The following NEGR1 variants were observed in gnomAD, a reference collection of about 807,000 sequenced individuals.
NEGR1 encodes IgLON family member 4.
Under a neutral mutation model 40.9 loss-of-function variants are expected in NEGR1, and 10 were observed. That is an observed-to-expected ratio of 0.24 (90% CI 0.15 to 0.42). The LOEUF (loss-of-function observed/expected upper bound fraction) is 0.42. Ranked by LOEUF, NEGR1 falls within the 10% of genes least tolerant of loss-of-function variation. The probability of loss-of-function intolerance (pLI) is 1.00; values close to 1 mark genes in which losing one functional copy is unlikely to be tolerated. For missense variants in NEGR1, 352 were observed against 438.9 expected (o/e 0.80, Z 1.77); for synonymous variants, 185 against 166.8 (o/e 1.11, Z -0.84).
At chr1:72,174,641 T>C (rs1395598812) in intron 1 of NEGR1, among the ~76,000 whole-genome samples, 1 of 152,164 alleles carries the variant, frequency 6.6e-6, no homozygotes, top group African/African-American at 2.4e-5. Context: ...TTAGCAAGCC[T>C]CATGTCTGGA....
intron 6 of NEGR1, among the ~76,000 whole-genome samples, chr1:71,519,878 G>GA (rs1171148093): frequency 9.9e-5 from 15 of 151,964 alleles, no homozygotes; most frequent in Admixed American, 7.2e-4. Context: ...GAGAAAATAT[G>GA]AAAAAATTAT....
intron 1 of NEGR1, among the ~76,000 whole-genome samples, chr1:72,268,952 A>G (rs1655750456): frequency 6.6e-6 from 1 of 151,516 alleles, no homozygotes; most frequent in Admixed American, 6.6e-5. Flanking sequence ...AGCTTTGGAT[A>G]TGTAAAGCAG....
At chr1:72,170,822 C>T (rs1334452413) in intron 1 of NEGR1, among the ~76,000 whole-genome samples, 1 of 152,100 alleles carries the variant, frequency 6.6e-6, no homozygotes, top group Non-Finnish European at 1.5e-5. Context: ...ATGTGCAGTC[C>T]TTTAAATTCC....
At chr1:72,174,517 A>G (rs1415470731) in intron 1 of NEGR1, among the ~76,000 whole-genome samples, 1 of 152,152 alleles carries the variant, frequency 6.6e-6, no homozygotes, top group Non-Finnish European at 1.5e-5. Flanking sequence ...AACTCTGAGT[A>G]AACATTGATC....
chr1:72,160,413 G>A (rs1048546087), intron 1 of NEGR1, among the ~76,000 whole-genome samples: 37 of 151,986 alleles, frequency 2.4e-4, no homozygotes, highest in Admixed American at 2.2e-3. Flanking sequence ...AATACAATAT[G>A]CAACTATTAG....
At chr1:72,216,248 C>T (rs1035915392) in intron 1 of NEGR1, among the ~76,000 whole-genome samples, 2 of 151,120 alleles carry the variant, frequency 1.3e-5, no homozygotes, top group East Asian at 3.9e-4. Flanking sequence ...GGACAAATAC[C>T]TAATGCATGT....
chr1:71,820,772 G>A (rs1228571797), intron 2 of NEGR1, among the ~76,000 whole-genome samples: 1 of 152,006 alleles, frequency 6.6e-6, no homozygotes, highest in African/African-American at 2.4e-5. Context: ...AACAAAGATA[G>A]CGAATCAAAA....
chr1:72,106,233 G>T (rs1054486155), intron 1 of NEGR1, among the ~76,000 whole-genome samples: 1 of 152,002 alleles, frequency 6.6e-6, no homozygotes, highest in Non-Finnish European at 1.5e-5. Flanking sequence ...CAAAAGGATT[G>T]GGAGCTTGGT....
At chr1:72,205,757 A>T (rs1295298972) in intron 1 of NEGR1, among the ~76,000 whole-genome samples, 1 of 57,176 alleles carries the variant, frequency 1.7e-5, no homozygotes, top group Non-Finnish European at 3.5e-5. Flanking sequence ...CCATTTCTAC[A>T]AAAAAAAAAA....
At chr1:72,221,887 A>G (rs984063305) in intron 1 of NEGR1, among the ~76,000 whole-genome samples, 27 of 152,174 alleles carry the variant, frequency 1.8e-4, no homozygotes, top group African/African-American at 4.6e-4. Context: ...TGGCACAACC[A>G]GCCTCAAGCT....
intron 3 of NEGR1, among the ~76,000 whole-genome samples, chr1:71,716,151 G>A (rs1351797555): frequency 6.6e-6 from 1 of 152,096 alleles, no homozygotes; most frequent in Non-Finnish European, 1.5e-5. Flanking sequence ...CAGGGGAAAT[G>A]CCAGATGTTT....
At chr1:71,550,544 C>A (rs1167431265) in intron 6 of NEGR1, among the ~76,000 whole-genome samples, 1 of 151,458 alleles carries the variant, frequency 6.6e-6, no homozygotes, top group South Asian at 2.1e-4. Flanking sequence ...AGATATAGAA[C>A]ATCCACACTC....
chr1:71,872,282 T>C (rs1393335562), intron 2 of NEGR1, among the ~76,000 whole-genome samples: 2 of 152,152 alleles, frequency 1.3e-5, no homozygotes, highest in Admixed American at 6.6e-5. Context: ...TTTTGACACA[T>C]TTTGCTGAAC....
chr1:72,231,668 A>G (rs1654369864), intron 1 of NEGR1, among the ~76,000 whole-genome samples: 1 of 152,172 alleles, frequency 6.6e-6, no homozygotes, highest in Non-Finnish European at 1.5e-5. Flanking sequence ...CCTTTATAAT[A>G]ATTTTGTTCA....
At chr1:71,700,974 C>T (rs1042257439) in intron 3 of NEGR1, among the ~76,000 whole-genome samples, 5 of 151,844 alleles carry the variant, frequency 3.3e-5, no homozygotes, top group Admixed American at 6.6e-5. Context: ...AGAGCATGAG[C>T]CAAGAAAAGC....
At chr1:71,449,992 A>ATT (rs71783919) in intron 6 of NEGR1, among the ~76,000 whole-genome samples, 5 of 139,222 alleles carry the variant, frequency 3.6e-5, no homozygotes, top group Admixed American at 7.2e-5. Flanking sequence ...TTTTATATAG[A>ATT]TTTTTTTTTT....
chr1:72,163,093 C>A (rs1430980320), intron 1 of NEGR1, among the ~76,000 whole-genome samples: 1 of 152,114 alleles, frequency 6.6e-6, no homozygotes, highest in Non-Finnish European at 1.5e-5. Context: ...GGCAGTTTTT[C>A]TTGGAAAAGG....
At chr1:72,175,187 T>C (rs994705451) in intron 1 of NEGR1, among the ~76,000 whole-genome samples, 2 of 152,106 alleles carry the variant, frequency 1.3e-5, no homozygotes, top group African/African-American at 4.8e-5. Flanking sequence ...TTAAATTATC[T>C]TGCAAATTAT....
intron 1 of NEGR1, among the ~76,000 whole-genome samples, chr1:72,078,232 G>A (rs1353417223): frequency 1.3e-5 from 2 of 152,088 alleles, no homozygotes; most frequent in East Asian, 1.9e-4. Context: ...GAAGTGTAGT[G>A]TATTTGCATG....
Sources: gnomAD v4.1 joint callset for allele counts (sites outside exome capture counted in the v4.1 genomes callset) on GRCh38, gnomAD v4.1.1 for gene constraint, MANE v1.5 for transcripts, NCBI Gene and HGNC (gene_info 2026-07-23, HGNC 2026-07-21) for gene names.